Variants in ZNF611 observed in about 807,000 individuals in gnomAD.
ZNF611 encodes the protein zinc finger protein 611.
In ZNF611, 6 loss-of-function variants were observed where a neutral mutation model predicts 8.9. The ratio of observed to expected loss-of-function variants is 0.68; its 90% CI spans 0.37 to 1.34. ZNF611 has a LOEUF of 1.34. Among genes scored for constraint, ZNF611 ranks in the 40% most tolerant of loss-of-function variants. ZNF611 has a pLI of 0.02. For missense variants in ZNF611, 874 were observed against 841.3 expected, an observed-to-expected ratio of 1.04 and a Z score of -0.48; for synonymous variants, 262 against 279.7, an observed-to-expected ratio of 0.94 and a Z score of 0.63.
chr19:52,704,842 A>G lies in ZNF611; in HGVS notation c.*95T>C. 1 of 1,607,280 alleles carries G rather than the reference A, an allele frequency of 6.2e-7. No individual in the cohort carries two copies. On this transcript the variant is annotated 3_prime_UTR_variant, in exon 6 of 6. Transcript: ENST00000652185. ...TGAATCACTCCCAAGTCTTGTCAGA[A>G]ACCTTACATTTGTAAGCTTTCTCTC...
At chr19:52,726,933 A>G (rs1184111607) in intron 3 of ZNF611, among the ~76,000 whole-genome samples, 1 of 152,016 alleles carries the variant, frequency 6.6e-6, no homozygotes, top group Non-Finnish European at 1.5e-5. Context: ...TTGTGAGATC[A>G]TGGCCCACTG....
chr19:52,710,531 A>G (rs1029184631), intron 5 of ZNF611, among the ~76,000 whole-genome samples: 7 of 152,062 alleles, frequency 4.6e-5, no homozygotes, highest in South Asian at 2.1e-4. Context: ...TGCCCGTCCA[A>G]TGTTTTTTAA....
Position 52,704,708 on chromosome 19 carries a change from G to T in ZNF611, c.*229C>A. 1 of 1,597,298 alleles carries T rather than the reference G, an allele frequency of 6.3e-7. No individual in the cohort carries two copies. Among genetic ancestry groups the T allele is most frequent in the Non-Finnish European group, 8.6e-7 (1 of 1,166,614 alleles). ...CATTAGTCAAGTTTCCCTACACCAT[G>T]AATTGCCTGATGGTGAATAAGTGTT... is the stretch of plus-strand genomic sequence containing the variant. On this transcript the variant is annotated 3_prime_UTR_variant, in exon 6 of 6. Coordinates refer to ENST00000652185, the MANE Select transcript of ZNF611 (RefSeq NM_001161499.2).
At chr19:52,734,733 G>C (rs2062447209) in intron 1 of ZNF611, among the ~76,000 whole-genome samples, 1 of 152,206 alleles carries the variant, frequency 6.6e-6, no homozygotes, top group Non-Finnish European at 1.5e-5. Context: ...GGCGCGAGGA[G>C]TCAGAACAAG....
chr19:52,705,535 TC>T lies in ZNF611; in HGVS notation c.1519del (p.Glu507SerfsTer24), dbSNP rs2062235374. ...LLIHKSIHTG[E>X]QPYKCDECEK... ...ACATTCATCACATTTGTAAGGTTGC[TC>T]CCCAGTATGAATTGACTTATGAATT... On this transcript the variant is annotated frameshift_variant, in exon 6 of 6. Coordinates refer to ENST00000652185, the MANE Select transcript of ZNF611 (RefSeq NM_001161499.2). LOFTEE classifies it low-confidence loss of function (END_TRUNC). 6.2e-7 allele frequency: 1 copy of T among 1,614,012 alleles called. No homozygotes were observed. Among genetic ancestry groups the T allele is most frequent in the African/African-American group, 1.3e-5 (1 of 74,894 alleles).
chr19:52,717,660 G>C (rs1009212987), intron 3 of ZNF611: 11 of 983,632 alleles, frequency 1.1e-5, no homozygotes, highest in Non-Finnish European at 1.3e-5. Context: ...CTAAACCAAG[G>C]TTCCAAGTCA....
At chr19:52,709,522 C>T (rs1302826588) in intron 5 of ZNF611, among the ~76,000 whole-genome samples, 3 of 152,070 alleles carry the variant, frequency 2.0e-5, no homozygotes, top group South Asian at 2.1e-4. Flanking sequence ...CCGCCCTCCT[C>T]GCCTCCCAAA....
At chr19:52,711,330 C>T (rs1488229420) in intron 5 of ZNF611, 2 of 149,018 alleles carry the variant, frequency 1.3e-5, no homozygotes, top group Admixed American at 1.3e-4. Flanking sequence ...AAAACTCTTT[C>T]TCAAACAAAA....
At chr19:52,714,867 G>A (rs1020426216) in intron 4 of ZNF611, among the ~76,000 whole-genome samples, 2 of 150,626 alleles carry the variant, frequency 1.3e-5, no homozygotes, top group African/African-American at 4.9e-5. Context: ...GTGTTGTGGT[G>A]CAGGCCTGTA....
rs2062448517 is a variant in ZNF611, at chr19:52,734,985, A to ACAGAG, written c.-222+11_-222+15dup. ...CTAGTTAGCGCAGACTTAATACAAC[A>ACAGAG]CAGAGCAAAACTCACCGCGGCGATA... On this transcript the variant is annotated intron_variant, in intron 1 of 5. Coordinates refer to ENST00000652185, the MANE Select transcript of ZNF611 (RefSeq NM_001161499.2). 6.5e-6 allele frequency: 1 copy of ACAGAG among 152,790 alleles called. No individual in the cohort carries two copies. 9.5% of individuals were successfully genotyped at this position (152,790 alleles called of 1,614,324 possible).
intron 5 of ZNF611, among the ~76,000 whole-genome samples, chr19:52,709,917 C>A (rs1207145543): frequency 6.6e-6 from 1 of 152,128 alleles, no homozygotes; most frequent in African/African-American, 2.4e-5. Context: ...TTGCCTGCTC[C>A]TCTTTACACC....
rs186993773 is a variant in ZNF611 at position 52,716,248 on chromosome 19, C to G, written c.-19-335G>C. 19 of 214,612 alleles carry G rather than the reference C, an allele frequency of 8.9e-5. No homozygotes were observed. In the Admixed American group the frequency reaches 9.9e-4, roughly 11 times the overall value. 13.3% of individuals were successfully genotyped at this position (214,612 alleles called of 1,614,324 possible). A position where few individuals can be genotyped will look rare whatever the true frequency, so the allele number is the denominator to read the frequency against. On this transcript the variant is annotated intron_variant, in intron 3 of 5. Coordinates refer to ENST00000652185, the MANE Select transcript of ZNF611 (RefSeq NM_001161499.2). ...CCCTCACCTCTCTGTGGATCACAGG[C>G]TGAGGTCAGCCCTCAGAAATGCAGG...
At chr19:52,711,222 C>G (rs1393549527) in intron 5 of ZNF611, 2 of 151,988 alleles carry the variant, frequency 1.3e-5, no homozygotes, top group African/African-American at 2.4e-5. Flanking sequence ...ATCCCAGCTT[C>G]TCGGGAGGCT....
In ZNF611 at chr19:52,704,464, C is replaced by CAG; in HGVS notation, c.*472_*473insCT. 1 of 785,772 alleles carries CAG rather than the reference C, an allele frequency of 1.3e-6. No individual in the cohort carries two copies. Among genetic ancestry groups the CAG allele is most frequent in the Non-Finnish European group, 2.2e-6 (1 of 449,500 alleles). 48.7% of individuals were successfully genotyped at this position (785,772 alleles called of 1,614,324 possible). ...AGGTTTCTCTCCTGTATAAATTCTC[C>CAG]TATGTTTTGCATAGGATGAAGCTTG... On this transcript the variant is annotated 3_prime_UTR_variant, in exon 6 of 6. Coordinates refer to ENST00000652185, the MANE Select transcript of ZNF611 (RefSeq NM_001161499.2).
intron 3 of ZNF611, among the ~76,000 whole-genome samples, chr19:52,716,618 T>C (rs1453086980): frequency 1.3e-5 from 2 of 152,068 alleles, no homozygotes; most frequent in Non-Finnish European, 1.5e-5. Context: ...GGAAAATAAA[T>C]CTTGGGGCCC....
Position 52,704,774 on chromosome 19 carries a change from A to G in ZNF611, c.*163T>C, listed in dbSNP as rs1325210119. ...GCTTTGCCACACTCATTACACTTGT[A>G]AGGTTTCTCTCCAGTGTGAAGTCCA... On this transcript the variant is annotated 3_prime_UTR_variant, in exon 6 of 6. Coordinates refer to ENST00000652185, the MANE Select transcript of ZNF611 (RefSeq NM_001161499.2). 6.3e-7 allele frequency: 1 copy of G among 1,593,044 alleles called. No homozygotes were observed. Among genetic ancestry groups the G allele is most frequent in the Non-Finnish European group, 8.6e-7 (1 of 1,161,620 alleles).
chr19:52,733,845 A>G (rs1245148422), intron 1 of ZNF611, among the ~76,000 whole-genome samples: 1 of 151,118 alleles, frequency 6.6e-6, no homozygotes, highest in Admixed American at 6.6e-5. Context: ...CAATCTTTCA[A>G]TCGTCCTCAA....
At chr19:52,718,605 C>G (rs953147721) in intron 3 of ZNF611, among the ~76,000 whole-genome samples, 1 of 151,424 alleles carries the variant, frequency 6.6e-6, no homozygotes, top group Non-Finnish European at 1.5e-5. Context: ...TCAAGACCAG[C>G]CTGACCAAGA....
At chr19:52,716,394 C>T (rs990757077) in intron 3 of ZNF611, among the ~76,000 whole-genome samples, 3 of 152,228 alleles carry the variant, frequency 2.0e-5, no homozygotes, top group Non-Finnish European at 4.4e-5. Flanking sequence ...GGCACAAAAG[C>T]TCTATTTGCA....
Sources: gnomAD v4.1 joint callset for allele counts (sites outside exome capture counted in the v4.1 genomes callset) on GRCh38, gnomAD v4.1.1 for gene constraint, MANE v1.5 for transcripts, NCBI Gene and HGNC (gene_info 2026-07-23, HGNC 2026-07-21) for gene names.